The following CD46 variants were observed in gnomAD, a reference collection of about 807,000 sequenced individuals.
The protein encoded by CD46 is membrane cofactor protein.
In CD46, 30 loss-of-function variants were observed where a neutral mutation model predicts 53.3. The ratio of observed to expected loss-of-function variants is 0.56; its 90% CI spans 0.42 to 0.76. CD46 has a LOEUF of 0.76. CD46 is among the 30% of genes least tolerant of loss of function. The probability of loss-of-function intolerance (pLI) is 0.00; values close to 1 mark genes in which losing one functional copy is unlikely to be tolerated. For missense variants in CD46, 409 were observed against 463.0 expected, an observed-to-expected ratio of 0.88 and a Z score of 1.07; for synonymous variants, 142 against 152.0, an observed-to-expected ratio of 0.93 and a Z score of 0.48.
chr1:207,793,702 T>C lies in CD46; in HGVS notation c.*225T>C. 1.1e-6 allele frequency: 1 copy of C among 879,780 alleles called. No homozygotes were observed. Among genetic ancestry groups the C allele is most frequent in the Non-Finnish European group, 1.9e-6 (1 of 527,160 alleles). The allele number at this position is 879,780 out of a possible 1,614,324, so 54.5% of individuals were successfully genotyped here. A position where few individuals can be genotyped will look rare whatever the true frequency, so the allele number is the denominator to read the frequency against. ...GAGTGCAACTGTGGCTTAGCTAATA[T>C]TGCAATGTGGCTTGAATGTAGGTAG... is the stretch of plus-strand genomic sequence containing the variant. On this transcript the variant is annotated 3_prime_UTR_variant, in exon 13 of 13. Transcript: ENST00000367042.
chr1:207,780,042 C>T (rs1658580376), intron 8 of CD46, among the ~76,000 whole-genome samples: 1 of 149,822 alleles, frequency 6.7e-6, no homozygotes, highest in African/African-American at 2.5e-5. Context: ...ATCATTTTGA[C>T]CATTTTAAGT....
intron 11 of CD46, among the ~76,000 whole-genome samples, chr1:207,786,957 G>T (rs555607577): frequency 1.3e-5 from 2 of 152,114 alleles, no homozygotes; most frequent in Non-Finnish European, 2.9e-5. Context: ...AAACAAAGTC[G>T]CATTCTGCTT....
At chr1:207,767,364 A>T (rs1157307607) in intron 6 of CD46, 169 bp downstream of exon 6, 1 of 746,216 alleles carries the variant, frequency 1.3e-6, no homozygotes, top group Non-Finnish European at 2.2e-6. Flanking sequence ...ATGACACGAA[A>T]TTCACATAAA....
chr1:207,789,740 T>C (rs185628353), intron 11 of CD46, among the ~76,000 whole-genome samples: 42 of 151,904 alleles, frequency 2.8e-4, no homozygotes, highest in Admixed American at 2.7e-3. Flanking sequence ...CCCTCAAAAT[T>C]GAGGGTGTTA....
In CD46 at chr1:207,760,693, A is replaced by G. The variant is rs1199179829; in HGVS notation, c.476-556A>G. The G allele has an allele frequency of 3.2e-5, 5 of 155,034 alleles. No homozygotes were observed. In the East Asian group the frequency reaches 7.6e-4, roughly 24 times the overall value. 9.6% of individuals were successfully genotyped at this position (155,034 alleles called of 1,614,324 possible). A position where few individuals can be genotyped will look rare whatever the true frequency, so the allele number is the denominator to read the frequency against. ...TCATGTTTCTACAAGCTGTACAGGAAGCATGGTGCTGGCATCTGCTGGGGG... is the reference window on the plus strand; with the variant it reads ...TCATGTTTCTACAAGCTGTACAGGAGGCATGGTGCTGGCATCTGCTGGGGG... On this transcript the variant is annotated intron_variant, in intron 4 of 12. Transcript: ENST00000367042.
intron 6 of CD46, chr1:207,767,527 A>T: frequency 1.7e-6 from 2 of 1,168,912 alleles, no homozygotes; most frequent in Non-Finnish European, 2.6e-6. Flanking sequence ...AAGTAAGTCA[A>T]CAATGGCATA....
At chr1:207,773,285 C>G (rs962018200) in intron 8 of CD46, among the ~76,000 whole-genome samples, 7 of 152,058 alleles carry the variant, frequency 4.6e-5, no homozygotes, top group African/African-American at 1.4e-4. Flanking sequence ...TGATTATTCT[C>G]TCTTTACTTC....
intron 8 of CD46, among the ~76,000 whole-genome samples, chr1:207,781,131 C>T (rs768200483): frequency 7.4e-5 from 11 of 148,984 alleles, no homozygotes; most frequent in Non-Finnish European, 1.3e-4. Context: ...AACCATAGAC[C>T]GTCCTAATAG....
At chr1:207,757,491 G>A in intron 2 of CD46, 49 bp from the exon 3 acceptor site, 1 of 1,214,056 alleles carries the variant, frequency 8.2e-7, no homozygotes, top group Non-Finnish European at 1.2e-6. Flanking sequence ...TTTTGATTCA[G>A]ATCTGTTTTA....
At position 207,752,261 on chromosome 1, in the gene CD46, C is replaced by G; in HGVS notation, c.49C>G (p.Pro17Ala). 6.2e-7 allele frequency: 1 copy of G among 1,614,188 alleles called. No homozygotes were observed. Among genetic ancestry groups the G allele is most frequent in the South Asian group, 1.1e-5 (1 of 91,092 alleles). Residue 17 changes from proline to alanine, a missense_variant, in exon 1 of 13, where the codon CCT becomes GCT. Coordinates refer to ENST00000367042, the MANE Select transcript of CD46 (RefSeq NM_172351.3). The surrounding 1 kb of genome is among the most constrained non-coding windows in gnomAD (Gnocchi z 4.1). ...GTGTCCCTTTCCTTCCTGGCGCTTT[C>G]CTGGGTTGCTTCTGGCGGCCATGGT... ...RECPFPSWRF[P>A]GLLLAAMVLL...
intron 7 of CD46, 123 bp from the exon 8 acceptor site, chr1:207,770,198 G>T (rs1485024220): frequency 2.7e-6 from 2 of 750,736 alleles, no homozygotes; most frequent in African/African-American, 1.8e-5. Flanking sequence ...ATGTGGAATT[G>T]CAAAGTTTGT....
chr1:207,790,539 C>G (rs1489067257), intron 12 of CD46, among the ~76,000 whole-genome samples, 194 bp downstream of exon 12: 2 of 152,170 alleles, frequency 1.3e-5, no homozygotes, highest in Non-Finnish European at 2.9e-5. Context: ...TGTGTACTGA[C>G]AGGCTTTGAC....
At chr1:207,770,191 T>C in intron 7 of CD46, 130 bp from the exon 8 acceptor site, 1 of 725,526 alleles carries the variant, frequency 1.4e-6, no homozygotes, top group Non-Finnish European at 2.5e-6. Context: ...TTCTAAGATG[T>C]GGAATTGCAA....
chr1:207,756,246 G>T (rs956202353), intron 1 of CD46, among the ~76,000 whole-genome samples: 33 of 152,196 alleles, frequency 2.2e-4, no homozygotes, highest in African/African-American at 8.0e-4. Flanking sequence ...GCAGAGTAGG[G>T]CAAAGGAGGC....
At chr1:207,764,562 T>A (rs1656633659) in intron 5 of CD46, among the ~76,000 whole-genome samples, 1 of 152,192 alleles carries the variant, frequency 6.6e-6, no homozygotes. Context: ...TTCTTTAATA[T>A]CAGTGATGTA....
intron 8 of CD46, among the ~76,000 whole-genome samples, chr1:207,782,409 G>T (rs912684849): frequency 2.6e-5 from 4 of 152,000 alleles, no homozygotes; most frequent in Admixed American, 2.6e-4. Context: ...TTTCTAATTT[G>T]AATTTCTTTT....
chr1:207,752,623 T>C lies in CD46; in HGVS notation c.97+314T>C, dbSNP rs1655047696. On this transcript the variant is annotated intron_variant, in intron 1 of 12. Transcript: ENST00000367042. This position sits in a 1 kb window ranked among gnomAD's most constrained non-coding sequence, Gnocchi z 4.1. ...CCAGGGGAGCGCGGACTGGGCGCCC[T>C]AGGTGAGGGCTTGTTCTGGAGTGCA... Among the ~76,000 whole-genome samples, 1 of 151,940 alleles carries C rather than the reference T, an allele frequency of 6.6e-6. No individual in the cohort carries two copies. The highest frequency in any genetic ancestry group is 1.5e-5 in the Non-Finnish European group (1 of 67,976).
chr1:207,785,863 C>T (rs1204679129), intron 11 of CD46, 181 bp downstream of exon 11: 7 of 563,194 alleles, frequency 1.2e-5, no homozygotes, highest in Non-Finnish European at 2.2e-5. Flanking sequence ...CTACTTCTAA[C>T]ATCACTGCAA....
intron 10 of CD46, 97 bp from the exon 11 acceptor site, chr1:207,785,522 A>C: frequency 1.1e-6 from 1 of 884,050 alleles, no homozygotes; most frequent in East Asian, 2.4e-5. Flanking sequence ...ACATTTGACC[A>C]CTGAAATGTA....
Sources: allele counts gnomAD v4.1 joint callset (sites outside exome capture counted in the v4.1 genomes callset), GRCh38; gene constraint gnomAD v4.1.1; non-coding constraint Gnocchi (gnomAD v3.1); transcripts MANE v1.5; gene names NCBI Gene and HGNC (gene_info 2026-07-23, HGNC 2026-07-21).